Variants in OPA1 observed in about 807,000 individuals in gnomAD.
The protein encoded by OPA1 is OPA1 mitochondrial dynamin like GTPase, also known as dynamin-like GTPase OPA1, mitochondrial.
OPA1 carries 59 observed loss-of-function variants against 152.9 expected under a neutral mutation model. The observed-to-expected ratio is 0.39, with a 90% confidence interval of 0.31 to 0.48. The LOEUF (loss-of-function observed/expected upper bound fraction) is 0.48. Among genes scored for constraint, OPA1 ranks in the 20% least tolerant of loss-of-function variants. OPA1 has a pLI of 0.96. For missense variants in OPA1, 1,008 were observed against 1,216.8 expected (o/e 0.83, Z 2.55); for synonymous variants, 400 against 389.9 (o/e 1.03, Z -0.31).
At chr3:193,599,941 G>A (rs1051695765) in intron 1 of OPA1, among the ~76,000 whole-genome samples, 4 of 152,192 alleles carry the variant, frequency 2.6e-5, no homozygotes, top group African/African-American at 7.2e-5. Flanking sequence ...GTTACAGCTC[G>A]GCGTTTGCCT....
chr3:193,629,219 C>A (rs1319511499), intron 7 of OPA1, among the ~76,000 whole-genome samples: 1 of 151,984 alleles, frequency 6.6e-6, no homozygotes, highest in African/African-American at 2.4e-5. Context: ...GGCCAGCTGT[C>A]TTTTAATATA....
chr3:193,684,446 C>CTTTT (rs67027119), intron 29 of OPA1, among the ~76,000 whole-genome samples: 11 of 105,906 alleles, frequency 1.0e-4, no homozygotes, highest in Admixed American at 2.1e-4. Context: ...ATGGTACTAC[C>CTTTT]TTTTTTTTTT....
chr3:193,664,712 TA>T (rs973729664), intron 26 of OPA1, among the ~76,000 whole-genome samples, 167 bp from the exon 27 acceptor site: 3 of 152,050 alleles, frequency 2.0e-5, no homozygotes, highest in Non-Finnish European at 4.4e-5. Context: ...ATCTTTGCCT[TA>T]AAAAAAGTAA....
At chr3:193,617,763 C>A in intron 4 of OPA1, 21 bp from the exon 5 acceptor site, 1 of 1,586,406 alleles carries the variant, frequency 6.3e-7, no homozygotes. Context: ...TTCTATTTCC[C>A]CTTTTGCTGA....
rs947418738 is a variant in OPA1 at position 193,614,907 on chromosome 3, C to A, written c.217C>A (p.Leu73Met). The A allele has an allele frequency of 1.9e-6, 3 of 1,613,860 alleles. No homozygotes were observed. Among genetic ancestry groups the A allele is most frequent in the Non-Finnish European group, 2.5e-6 (3 of 1,179,884 alleles). ...SSLTNLPLRKLKFSPIKYGYQ... is the reference protein window; with the variant it reads ...SSLTNLPLRKMKFSPIKYGYQ... The stretch of plus-strand genomic sequence containing the variant: ...TCTGACAAACCTTCCTTTACGTAAA[C>A]TGAAATTCTCTCCAATTAAATATGG... Residue 73 changes from leucine to methionine, a missense_variant, in exon 2 of 31, where the codon CTG (leucine) becomes ATG (methionine). Coordinates refer to ENST00000361510, the MANE Select transcript of OPA1 (RefSeq NM_130837.3).
chr3:193,613,776 C>T (rs1728611544), intron 1 of OPA1, among the ~76,000 whole-genome samples: 3 of 152,102 alleles, frequency 2.0e-5, no homozygotes. Context: ...TGGGGTTTCA[C>T]CATGTTGGCC....
At position 193,636,891 on chromosome 3, in the gene OPA1, G is replaced by T. The variant is rs188635644; in HGVS notation, c.949-304G>T. On this transcript the variant is annotated intron_variant, in intron 9 of 30. Transcript: ENST00000361510. ...TTTTTGGTGTTAATGGTCTTTTCTT[G>T]CATTCAGTATTAGCTCATCAGTATT... 1.9e-3 allele frequency among the ~76,000 whole-genome samples: 288 copies of T among 152,000 alleles called. No individual in the cohort carries two copies. Among genetic ancestry groups the T allele is most frequent in the Admixed American group, 2.8e-3 (43 of 15,266 alleles).
intron 1 of OPA1, among the ~76,000 whole-genome samples, chr3:193,612,268 C>CTT (rs34283831): frequency 0.039 from 4,582 of 116,240 alleles, 134 homozygotes; most frequent in African/African-American, 0.066. Context: ...GTCTAACTTC[C>CTT]TTTTTTTTTT....
At chr3:193,669,211 C>A (rs1270846573) in intron 29 of OPA1, among the ~76,000 whole-genome samples, 1 of 152,232 alleles carries the variant, frequency 6.6e-6, no homozygotes, top group Non-Finnish European at 1.5e-5. Flanking sequence ...GCAGCATGCT[C>A]ACCCCTTGCC....
intron 26 of OPA1, among the ~76,000 whole-genome samples, chr3:193,664,513 A>G (rs1255048185): frequency 6.6e-6 from 1 of 152,008 alleles, no homozygotes; most frequent in Non-Finnish European, 1.5e-5. Flanking sequence ...CTTAAGTTCT[A>G]ACTCTGTTTT....
intron 25 of OPA1, 107 bp from the exon 26 acceptor site, chr3:193,662,715 T>C: frequency 1.1e-6 from 1 of 887,128 alleles, no homozygotes. Context: ...TGATTAAGCT[T>C]GTGTTATCTT....
intron 1 of OPA1, among the ~76,000 whole-genome samples, chr3:193,602,353 C>A (rs2108800732): frequency 6.6e-6 from 1 of 152,298 alleles, no homozygotes; most frequent in South Asian, 2.1e-4. Flanking sequence ...CTTCTGATGT[C>A]ATTTCCGGAA....
chr3:193,610,112 C>A (rs935822875), intron 1 of OPA1, among the ~76,000 whole-genome samples: 5 of 152,188 alleles, frequency 3.3e-5, no homozygotes, highest in African/African-American at 9.7e-5. Flanking sequence ...GAGAGGTGCT[C>A]TGATTTTTAG....
At chr3:193,594,441 G>A (rs1725180942) in intron 1 of OPA1, among the ~76,000 whole-genome samples, 1 of 152,238 alleles carries the variant, frequency 6.6e-6, no homozygotes, top group Admixed American at 6.5e-5. Flanking sequence ...AGGCTGGAGT[G>A]CAGTAGCGCT....
chr3:193,652,732 A>G (rs1176744924), intron 21 of OPA1, among the ~76,000 whole-genome samples: 6 of 152,162 alleles, frequency 3.9e-5, no homozygotes, highest in Admixed American at 3.9e-4. Flanking sequence ...TTACAGGAGC[A>G]CAACAGAAAT....
In OPA1 at chr3:193,631,608, T is replaced by A. The variant is rs374509936; in HGVS notation, c.790-4T>A. 37 of 1,602,918 alleles carry A rather than the reference T, an allele frequency of 2.3e-5. No individual in the cohort carries two copies. In the East Asian group the frequency reaches 3.8e-4, roughly 16 times the overall value. ...ATTCAACTAAAATTATTTTAAACATTTAGGTGTCAGACAAAGAGAAAATTG... is the reference window on the plus strand; with the variant it reads ...ATTCAACTAAAATTATTTTAAACATATAGGTGTCAGACAAAGAGAAAATTG... On this transcript the variant is annotated splice_polypyrimidine_tract_variant and splice_region_variant and intron_variant, in intron 7 of 30. Coordinates refer to ENST00000361510, the MANE Select transcript of OPA1 (RefSeq NM_130837.3).
chr3:193,664,825 T>C, intron 26 of OPA1, 55 bp from the exon 27 acceptor site: 1 of 948,550 alleles, frequency 1.1e-6, no homozygotes, highest in South Asian at 1.4e-5. Flanking sequence ...CTCAGTGTGG[T>C]TGATCAACAT....
intron 4 of OPA1, among the ~76,000 whole-genome samples, chr3:193,617,497 A>C (rs573655037): frequency 6.6e-6 from 1 of 152,336 alleles, no homozygotes; most frequent in East Asian, 1.9e-4. Flanking sequence ...TAAGCACTTA[A>C]ACATACTTGG....
At chr3:193,648,605 G>A in intron 20 of OPA1, 190 bp from the exon 21 acceptor site, 1 of 533,730 alleles carries the variant, frequency 1.9e-6, no homozygotes. Context: ...ATTTATGTCA[G>A]TTTCTTTGTC....
Sources: gnomAD v4.1 joint callset for allele counts (sites outside exome capture counted in the v4.1 genomes callset) on GRCh38, gnomAD v4.1.1 for gene constraint, MANE v1.5 for transcripts, NCBI Gene and HGNC (gene_info 2026-07-23, HGNC 2026-07-21) for gene names.